The following LRBA variants were observed in gnomAD, a reference collection of about 807,000 sequenced individuals.
LRBA encodes the protein lipopolysaccharide-responsive and beige-like anchor protein.
LRBA carries 176 observed loss-of-function variants against 330.0 expected under a neutral mutation model. That is an observed-to-expected ratio of 0.53 (90% CI 0.47 to 0.60). The LOEUF is 0.60. Among genes scored for constraint, LRBA ranks in the 20% least tolerant of loss-of-function variants. The pLI is 0.00. For missense variants in LRBA, 3,259 were observed against 3,444.8 expected (o/e 0.95, Z 1.35); for synonymous variants, 1,230 against 1,193.0 (o/e 1.03, Z -0.64).
At chr4:150,874,331 C>A (rs568130716) in intron 17 of LRBA, among the ~76,000 whole-genome samples, 54 of 152,146 alleles carry the variant, frequency 3.5e-4, no homozygotes, top group African/African-American at 1.2e-3. Flanking sequence ...GGGAAAGACA[C>A]CAGGAAAAGT....
intron 53 of LRBA, among the ~76,000 whole-genome samples, chr4:150,289,240 A>G (rs1310387983): frequency 1.3e-5 from 2 of 152,306 alleles, no homozygotes; most frequent in African/African-American, 2.4e-5. Flanking sequence ...CTAGTTTCCA[A>G]TAATCCAAAC....
intron 2 of LRBA, among the ~76,000 whole-genome samples, chr4:150,961,442 GA>G (rs1181018802): frequency 6.7e-6 from 1 of 149,236 alleles, no homozygotes; most frequent in Admixed American, 6.6e-5. Flanking sequence ...AGAAGAAACA[GA>G]GATTAGCCAG....
chr4:150,841,907 C>T (rs1443250444), intron 28 of LRBA, among the ~76,000 whole-genome samples: 1 of 152,120 alleles, frequency 6.6e-6, no homozygotes, highest in Non-Finnish European at 1.5e-5. Context: ...CCACCTGCCT[C>T]AGCCTCCCAA....
chr4:150,845,654 T>C (rs1004514757), intron 26 of LRBA, among the ~76,000 whole-genome samples: 2 of 152,044 alleles, frequency 1.3e-5, no homozygotes, highest in African/African-American at 4.8e-5. Flanking sequence ...GCCTATCACA[T>C]GGCTAGCAGG....
At chr4:150,689,500 A>T (rs560778256) in intron 36 of LRBA, among the ~76,000 whole-genome samples, 69 of 149,114 alleles carry the variant, frequency 4.6e-4, no homozygotes, top group Middle Eastern at 3.4e-3. Context: ...TAAAAGATTT[A>T]AAAAAAAAAC....
chr4:150,409,398 A>G (rs939274598), intron 47 of LRBA, among the ~76,000 whole-genome samples: 3 of 152,130 alleles, frequency 2.0e-5, no homozygotes, highest in African/African-American at 7.2e-5. Context: ...TTATCTCAGA[A>G]TCCTAAATTG....
intron 35 of LRBA, among the ~76,000 whole-genome samples, chr4:150,740,964 T>C (rs1731879480): frequency 6.6e-6 from 1 of 152,144 alleles, no homozygotes; most frequent in Non-Finnish European, 1.5e-5. Context: ...GATGCTCATA[T>C]GGACAAATTA....
At chr4:150,475,004 G>C (rs1429146125) in intron 42 of LRBA, among the ~76,000 whole-genome samples, 1 of 152,106 alleles carries the variant, frequency 6.6e-6, no homozygotes, top group Non-Finnish European at 1.5e-5. Flanking sequence ...ATGAATGTGT[G>C]TTGAATTTGG....
At chr4:150,417,882 T>C (rs551037780) in intron 46 of LRBA, among the ~76,000 whole-genome samples, 2 of 152,316 alleles carry the variant, frequency 1.3e-5, no homozygotes, top group South Asian at 4.1e-4. Context: ...CCTTCTAATA[T>C]ATAGTGTCAA....
chr4:150,579,645 G>A (rs1428514053), intron 40 of LRBA: 1 of 456,716 alleles, frequency 2.2e-6, no homozygotes, highest in East Asian at 7.0e-5. Context: ...ACTTAGCCGA[G>A]CTTGACAGAG....
intron 47 of LRBA, among the ~76,000 whole-genome samples, chr4:150,376,479 C>T (rs1414504640): frequency 6.6e-6 from 1 of 152,198 alleles, no homozygotes; most frequent in African/African-American, 2.4e-5. Context: ...ATATACCCTT[C>T]ACTCAGCTTC....
chr4:150,665,421 G>A (rs549528619), intron 37 of LRBA, among the ~76,000 whole-genome samples: 2 of 151,792 alleles, frequency 1.3e-5, no homozygotes, highest in South Asian at 4.2e-4. Context: ...GCCAGCCAAG[G>A]GTCCACCTTG....
At chr4:150,309,103 T>C (rs1730732744) in intron 52 of LRBA, among the ~76,000 whole-genome samples, 2 of 152,154 alleles carry the variant, frequency 1.3e-5, no homozygotes, top group African/African-American at 4.8e-5. Context: ...AGTTTTTATC[T>C]TTTATTATTA....
chr4:150,822,844 AGACC>A (rs1745660190), intron 30 of LRBA, among the ~76,000 whole-genome samples: 1 of 152,186 alleles, frequency 6.6e-6, no homozygotes. Flanking sequence ...CAGGAGTTTG[AGACC>A]AGCCTGGCCA....
chr4:150,605,919 G>C (rs1774575917), intron 37 of LRBA, among the ~76,000 whole-genome samples: 1 of 152,116 alleles, frequency 6.6e-6, no homozygotes, highest in Admixed American at 6.5e-5. Flanking sequence ...CAATTGTGTG[G>C]ATTCCAGCAG....
intron 31 of LRBA, among the ~76,000 whole-genome samples, chr4:150,811,116 T>C (rs1346636858): frequency 1.3e-5 from 2 of 152,182 alleles, no homozygotes; most frequent in Non-Finnish European, 2.9e-5. Flanking sequence ...ACAGACCCAA[T>C]GGCTTTATTA....
At chr4:150,912,744 G>A (rs1371919750) in intron 9 of LRBA, among the ~76,000 whole-genome samples, 7 of 151,924 alleles carry the variant, frequency 4.6e-5, no homozygotes, top group African/African-American at 1.5e-4. Context: ...ATCTGCTAAC[G>A]TTAACTTTAT....
chr4:150,833,777 T>G (rs1239609911), intron 28 of LRBA, among the ~76,000 whole-genome samples: 1 of 151,964 alleles, frequency 6.6e-6, no homozygotes, highest in African/African-American at 2.4e-5. Flanking sequence ...TTTGCCACAT[T>G]AACTGAATCT....
At chr4:150,601,738 C>T (rs1313531101) in intron 37 of LRBA, among the ~76,000 whole-genome samples, 1 of 151,550 alleles carries the variant, frequency 6.6e-6, no homozygotes, top group African/African-American at 2.4e-5. Context: ...GTCACCCAGG[C>T]TGGAGTGCAG....
Sources: allele counts gnomAD v4.1 joint callset (sites outside exome capture counted in the v4.1 genomes callset), GRCh38; gene constraint gnomAD v4.1.1; transcripts MANE v1.5; gene names NCBI Gene and HGNC (gene_info 2026-07-23, HGNC 2026-07-21).